USP35: variants seen among roughly 807,000 people sequenced by gnomAD.
The protein encoded by USP35 is ubiquitin specific peptidase 35.
USP35 carries 69 observed loss-of-function variants against 83.8 expected under a neutral mutation model. The ratio of observed to expected loss-of-function variants is 0.82; its 90% CI spans 0.68 to 1.01. USP35 has a LOEUF of 1.01. USP35 is among the 50% of genes least tolerant of loss of function. The pLI, the probability that USP35 is intolerant of heterozygous loss-of-function variation, is 0.00. For synonymous variants in USP35, 714 were observed against 589.5 expected, an observed-to-expected ratio of 1.21 and a Z score of -3.06; for missense variants, 1,503 against 1,362.5, an observed-to-expected ratio of 1.10 and a Z score of -1.62.
downstream of USP35, chr11:78,215,238 G>A (rs1235835006): frequency 6.6e-6 from 1 of 152,474 alleles, no homozygotes; most frequent in East Asian, 1.9e-4. Context: ...ACAGACTGGA[G>A]TGAGAACGGG....
Position 78,214,079 on chromosome 11 carries a change from C to T in USP35, c.*266C>T. The T allele has an allele frequency of 2.7e-6, 1 of 371,064 alleles. No homozygotes were observed. Among genetic ancestry groups the T allele is most frequent in the Non-Finnish European group, 4.8e-6 (1 of 208,146 alleles). 23.0% of individuals were successfully genotyped at this position (371,064 alleles called of 1,614,324 possible). On this transcript the variant is annotated 3_prime_UTR_variant, in exon 11 of 11. Transcript: ENST00000529308. ...GAGATGGGCACACACGGGTCTTTGC[C>T]TCCCCCTCCTTCCCTAGCAGGCTCC...
At chr11:78,200,382 G>A (rs1259028435) in intron 5 of USP35, 148 bp downstream of exon 5, 1 of 1,020,132 alleles carries the variant, frequency 9.8e-7, no homozygotes, top group Non-Finnish European at 1.5e-6. Flanking sequence ...GCTGGATCGT[G>A]GGCTCTGGCC....
chr11:78,207,794 CAGG>C (rs1379696671), intron 8 of USP35, among the ~76,000 whole-genome samples, 171 bp downstream of exon 8: 1 of 152,232 alleles, frequency 6.6e-6, no homozygotes, highest in East Asian at 1.9e-4. Context: ...CCTGCTGGGG[CAGG>C]AGAAGGCGGG....
At chr11:78,226,317 G>C in the USP35 span, 3 of 669,890 alleles carry the variant, frequency 4.5e-6, no homozygotes, top group South Asian at 3.5e-5. Flanking sequence ...AAGGGATCTG[G>C]GTAGAAGACA....
intron 8 of USP35, 123 bp from the exon 9 acceptor site, chr11:78,208,734 A>AT: frequency 9.6e-7 from 1 of 1,044,452 alleles, no homozygotes; most frequent in Non-Finnish European, 1.4e-6. Context: ...GGAGGACCTC[A>AT]TGGAGGAGGC....
At chr11:78,225,132 C>T in the USP35 span, 7 of 1,613,064 alleles carry the variant, frequency 4.3e-6, 1 homozygote, top group Admixed American at 5.0e-5. Flanking sequence ...CTCCATCACT[C>T]ATGGATTCAG....
chr11:78,206,139 C>G, intron 7 of USP35, 104 bp downstream of exon 7: 1 of 1,372,734 alleles, frequency 7.3e-7, no homozygotes. Flanking sequence ...GAGGGTGGGC[C>G]TTGCTTTGCA....
At chr11:78,203,908 T>TTTTG in intron 6 of USP35, among the ~76,000 whole-genome samples, 1 of 145,114 alleles carries the variant, frequency 6.9e-6, no homozygotes, top group East Asian at 2.0e-4. Flanking sequence ...TTTTTTTTTT[T>TTTTG]GAGACGGAGT....
chr11:78,189,598 C>G (rs1019495947), intron 1 of USP35, among the ~76,000 whole-genome samples: 15 of 152,164 alleles, frequency 9.9e-5, no homozygotes, highest in African/African-American at 3.4e-4. Flanking sequence ...CTCTTACGGC[C>G]CTGGCCCTTG....
At position 78,210,557 on chromosome 11, in the gene USP35, C is replaced by G; in HGVS notation, c.2702C>G (p.Ser901Cys). The change falls in exon 10 of 11, where the codon TCT becomes TGT. Residue 901 changes from serine (S) to cysteine (C), a missense_variant. Ser to Cys is a moderately radical substitution (Grantham distance 112). Coordinates refer to ENST00000529308, the MANE Select transcript of USP35 (RefSeq NM_020798.4). ...YLFNDTRVSF[S>C]SFESVSNVTS... ...TTCAATGACACTCGGGTGTCCTTCT[C>G]TTCCTTCGAATCTGTCAGCAACGTC... The G allele has an allele frequency of 1.2e-6, 2 of 1,613,030 alleles. No homozygotes were observed. The highest frequency in any genetic ancestry group is 1.7e-6 in the Non-Finnish European group (2 of 1,179,064).
At position 78,200,232 on chromosome 11, in the gene USP35, C is replaced by T; in HGVS notation, c.1036C>T (p.Leu346=). 6.2e-7 allele frequency: 1 copy of T among 1,614,164 alleles called. No individual in the cohort carries two copies. The highest frequency in any genetic ancestry group is 8.5e-7 in the Non-Finnish European group (1 of 1,180,012). ...CCAGCACTCCCACGAAGCCTTCCACCTGGTAAGGTCCCCTGCCTGCTGCCC... is the reference window on the plus strand; with the variant it reads ...CCAGCACTCCCACGAAGCCTTCCACTTGGTAAGGTCCCCTGCCTGCTGCCC... ...TFQHSHEAFH[L]LLPHIPPMVA... is the part of the protein sequence containing the mutation. Residue 346 remains leucine (L), a splice_region_variant and synonymous_variant, in exon 5 of 11, where the codon CTG becomes TTG. Coordinates refer to ENST00000529308, the MANE Select transcript of USP35 (RefSeq NM_020798.4).
Position 78,196,954 on chromosome 11 carries a change from G to A in USP35, c.673+36G>A. On this transcript the variant is annotated intron_variant, in intron 2 of 10. Transcript: ENST00000529308. The surrounding 1 kb of genome is among the most constrained non-coding windows in gnomAD (Gnocchi z 4.8). The stretch of plus-strand genomic sequence containing the variant: ...GGCCGGGGCAGGAGCGCGGGCATGC[G>A]GAGGTCCTGGGTGGGCGCTTGGGTA... 1 of 1,431,740 alleles carries A rather than the reference G, an allele frequency of 7.0e-7. No individual in the cohort carries two copies. 88.7% of individuals were successfully genotyped at this position (1,431,740 alleles called of 1,614,324 possible). A position where few individuals can be genotyped will look rare whatever the true frequency, so the allele number is the denominator to read the frequency against.
chr11:78,190,605 G>A (rs1862975397), intron 1 of USP35, among the ~76,000 whole-genome samples: 1 of 152,246 alleles, frequency 6.6e-6, no homozygotes, highest in African/African-American at 2.4e-5. Flanking sequence ...TGCCAAGGGA[G>A]GTCCCAGCCT....
intron 3 of USP35, chr11:78,198,572 C>T (rs1220822223): frequency 1.0e-6 from 1 of 979,802 alleles, no homozygotes; most frequent in African/African-American, 1.8e-5. Flanking sequence ...CCGCTCCCCT[C>T]CTCCCTGCAG....
At chr11:78,213,293 T>G (rs1008083220) in intron 10 of USP35, among the ~76,000 whole-genome samples, 1 of 152,030 alleles carries the variant, frequency 6.6e-6, no homozygotes, top group African/African-American at 2.4e-5. Flanking sequence ...GGCTTTCTCA[T>G]AGGCAGAGCC....
chr11:78,196,873 A>G lies in USP35; in HGVS notation c.628A>G (p.Ile210Val), dbSNP rs1203868510. The change falls in exon 2 of 11, where the codon ATC (isoleucine) becomes GTC (valine). Residue 210 changes from isoleucine to valine, a missense_variant. By Grantham distance (29) the Ile-to-Val change is conservative. Coordinates refer to ENST00000529308, the MANE Select transcript of USP35 (RefSeq NM_020798.4). The surrounding 1 kb of genome is among the most constrained non-coding windows in gnomAD (Gnocchi z 4.8). Reference protein sequence around the residue: ...AQLWRAQPAAILPCLKELFAV... With the variant: ...AQLWRAQPAAVLPCLKELFAV... ...GCTGTGGCGCGCACAGCCCGCCGCC[A>G]TCCTGCCCTGCCTCAAAGAGCTGTT... 11 of 1,477,776 alleles carry G rather than the reference A, an allele frequency of 7.4e-6. No homozygotes were observed. Among genetic ancestry groups the G allele is most frequent in the Admixed American group, 2.4e-5 (1 of 42,018 alleles). The allele number at this position is 1,477,776 out of a possible 1,614,324, so 91.5% of individuals were successfully genotyped here. A position where few individuals can be genotyped will look rare whatever the true frequency, so the allele number is the denominator to read the frequency against.
chr11:78,230,368 C>A, the USP35 span, among the ~76,000 whole-genome samples: 1 of 152,228 alleles, frequency 6.6e-6, no homozygotes, highest in South Asian at 2.1e-4. Flanking sequence ...TTGCATTACT[C>A]ACCTCCCTGT....
chr11:78,210,521 A>G lies in USP35; in HGVS notation c.2666A>G (p.Gln889Arg). ...GCCGATAGGCCAGAGCCCGAGAACC[A>G]GTGGTACCTGTTCAATGACACTCGG... ...GTADRPEPEN[Q>R]WYLFNDTRVS... Residue 889 changes from glutamine (Q) to arginine (R), a missense_variant, in exon 10 of 11, where the codon CAG becomes CGG. By Grantham distance (43) the Gln-to-Arg change is conservative (BLOSUM62 1). Transcript: ENST00000529308. 1 of 1,613,800 alleles carries G rather than the reference A, an allele frequency of 6.2e-7. No homozygotes were observed. Among genetic ancestry groups the G allele is most frequent in the Non-Finnish European group, 8.5e-7 (1 of 1,179,690 alleles).
At chr11:78,226,791 G>C in the USP35 span, 1 of 1,614,138 alleles carries the variant, frequency 6.2e-7, no homozygotes, top group East Asian at 2.2e-5. Flanking sequence ...CGTCTTGAAG[G>C]TGTACACATC....
Sources: allele counts gnomAD v4.1 joint callset (sites outside exome capture counted in the v4.1 genomes callset), GRCh38; gene constraint gnomAD v4.1.1; non-coding constraint Gnocchi (gnomAD v3.1); transcripts MANE v1.5; gene names NCBI Gene and HGNC (gene_info 2026-07-23, HGNC 2026-07-21).